The following SV2C variants were observed in gnomAD, a reference collection of about 807,000 sequenced individuals.
SV2C encodes the protein solute carrier family 22 member B3.
Under a neutral mutation model 79.7 loss-of-function variants are expected in SV2C, and 49 were observed. The observed-to-expected ratio is 0.61, with a 90% CI of 0.49 to 0.78. The LOEUF (loss-of-function observed/expected upper bound fraction) is 0.78, where lower values mean the gene tolerates loss of function less well. Among genes scored for constraint, SV2C ranks in the 30% least tolerant of loss-of-function variants. SV2C has a pLI of 0.00. For missense variants in SV2C, 833 were observed against 912.9 expected (o/e 0.91, Z 1.13); for synonymous variants, 334 against 333.2 (o/e 1.00, Z -0.03).
chr5:76,285,128 G>C (rs752240826), intron 4 of SV2C, 34 bp from the exon 5 acceptor site: 14 of 1,610,660 alleles, frequency 8.7e-6, no homozygotes, highest in Middle Eastern at 1.7e-4. Flanking sequence ...TCTGGGAGGA[G>C]CTCTCCCTCA....
chr5:75,912,291 C>T, the SV2C span, among the ~76,000 whole-genome samples: 26 of 152,028 alleles, frequency 1.7e-4, no homozygotes, highest in African/African-American at 1.2e-4. Context: ...GCCAGAAGAA[C>T]GCATTTTCAG....
intron 10 of SV2C, among the ~76,000 whole-genome samples, chr5:76,299,474 A>AAGTT (rs562585565): frequency 9.2e-4 from 140 of 152,340 alleles, no homozygotes; most frequent in African/African-American, 2.8e-3. Context: ...AGGCTTAGGA[A>AAGTT]AGTTAAGTAA....
At chr5:75,999,392 AGAGAGAGAGAGAGAGAG>A in the SV2C span, among the ~76,000 whole-genome samples, 1 of 45,494 alleles carries the variant, frequency 2.2e-5, no homozygotes, top group African/African-American at 7.0e-5. Flanking sequence ...AGAGAGAGAG[AGAGAGAGAGAGAGAGAG>A]AATGATTGTG....
chr5:76,178,800 A>C (rs188546509), intron 2 of SV2C, among the ~76,000 whole-genome samples: 2 of 152,208 alleles, frequency 1.3e-5, no homozygotes, highest in African/African-American at 2.4e-5. Context: ...TCTTCTAGAC[A>C]AAAGGTCTCA....
At chr5:76,205,535 T>C (rs1466162003) in intron 3 of SV2C, among the ~76,000 whole-genome samples, 4 of 152,200 alleles carry the variant, frequency 2.6e-5, no homozygotes, top group South Asian at 2.1e-4. Context: ...TAAGCCACTC[T>C]GATCTCATTG....
At chr5:76,009,352 A>G in the SV2C span, among the ~76,000 whole-genome samples, 3 of 152,340 alleles carry the variant, frequency 2.0e-5, no homozygotes, top group Non-Finnish European at 2.9e-5. Flanking sequence ...AGCAGTTGGG[A>G]GATTTCTCAA....
At chr5:75,905,550 T>A in the SV2C span, among the ~76,000 whole-genome samples, 1 of 152,086 alleles carries the variant, frequency 6.6e-6, no homozygotes, top group East Asian at 1.9e-4. Flanking sequence ...AGCTTTTAGA[T>A]CCCTGAGCTG....
At chr5:76,185,771 A>G (rs917605237) in intron 2 of SV2C, among the ~76,000 whole-genome samples, 9 of 152,198 alleles carry the variant, frequency 5.9e-5, no homozygotes, top group African/African-American at 2.2e-4. Flanking sequence ...GGTCTCTCAC[A>G]TGTCCTGGAG....
At chr5:76,213,652 C>T (rs1476589347) in intron 4 of SV2C, among the ~76,000 whole-genome samples, 1 of 152,150 alleles carries the variant, frequency 6.6e-6, no homozygotes, top group Non-Finnish European at 1.5e-5. Flanking sequence ...TTAATATGTA[C>T]AACTTGAAGG....
At position 76,325,666 on chromosome 5, in the gene SV2C, CACGTGCTGTG is replaced by C. The variant is rs1748973945; in HGVS notation, c.*122_*131del. On this transcript the variant is annotated 3_prime_UTR_variant, in exon 13 of 13. Transcript: ENST00000502798. Reference sequence around the variant, plus strand: ...AGGTGATCAAGTATCAGAACATAAACACGTGCTGTGACTTAAAATTTAGAAGCATATCATC... The same window carrying C: ...AGGTGATCAAGTATCAGAACATAAACACTTAAAATTTAGAAGCATATCATC... 7.2e-7 allele frequency: 1 copy of C among 1,393,808 alleles called. No individual in the cohort carries two copies. The highest frequency in any genetic ancestry group is 2.4e-5 in the East Asian group (1 of 42,418). 86.3% of individuals were successfully genotyped at this position (1,393,808 alleles called of 1,614,324 possible).
intron 3 of SV2C, among the ~76,000 whole-genome samples, chr5:76,195,329 G>A (rs1744240190): frequency 6.6e-6 from 1 of 152,156 alleles, no homozygotes; most frequent in Non-Finnish European, 1.5e-5. Context: ...ACTTCTAGAA[G>A]AAGAGTATTG....
At chr5:76,273,170 T>TATAC (rs144534109) in intron 4 of SV2C, among the ~76,000 whole-genome samples, 4,513 of 121,878 alleles carry the variant, frequency 0.037, 110 homozygotes, top group Middle Eastern at 0.096. Flanking sequence ...TATATATATA[T>TATAC]ACACACATAT....
the SV2C span, among the ~76,000 whole-genome samples, chr5:75,883,602 C>T: frequency 6.9e-6 from 1 of 145,960 alleles, no homozygotes; most frequent in Non-Finnish European, 1.5e-5. Context: ...AAACCCAACA[C>T]CGCATATTCT....
At chr5:76,228,784 T>A (rs1297294777) in intron 4 of SV2C, among the ~76,000 whole-genome samples, 1 of 142,550 alleles carries the variant, frequency 7.0e-6, no homozygotes, top group East Asian at 1.9e-4. Context: ...TTCTATGAAG[T>A]ACGCATTAAT....
chr5:75,937,750 A>G, the SV2C span, among the ~76,000 whole-genome samples: 1 of 152,082 alleles, frequency 6.6e-6, no homozygotes, highest in South Asian at 2.1e-4. Flanking sequence ...AAACTGTGCC[A>G]TTACTATTTC....
At chr5:75,852,318 A>G in the SV2C span, among the ~76,000 whole-genome samples, 1 of 152,194 alleles carries the variant, frequency 6.6e-6, no homozygotes, top group Non-Finnish European at 1.5e-5. Context: ...TATAATAATA[A>G]TTTAAAAAGT....
intron 12 of SV2C, among the ~76,000 whole-genome samples, chr5:76,318,199 C>G (rs374390333): frequency 1.8e-4 from 28 of 152,302 alleles, no homozygotes; most frequent in Admixed American, 5.2e-4. Flanking sequence ...GCGGGCAGAT[C>G]ATGAGGTCAG....
At chr5:75,887,639 T>C in the SV2C span, among the ~76,000 whole-genome samples, 1 of 152,144 alleles carries the variant, frequency 6.6e-6, no homozygotes, top group Non-Finnish European at 1.5e-5. Flanking sequence ...GTCAAATTGA[T>C]ATATCATTAA....
chr5:76,108,706 GC>G (rs1326833074), intron 1 of SV2C, among the ~76,000 whole-genome samples: 1 of 152,128 alleles, frequency 6.6e-6, no homozygotes, highest in Non-Finnish European at 1.5e-5. Context: ...TTGGTTTCAA[GC>G]TAAAGCCTTA....
Sources: allele counts gnomAD v4.1 joint callset (sites outside exome capture counted in the v4.1 genomes callset), GRCh38; gene constraint gnomAD v4.1.1; transcripts MANE v1.5; gene names NCBI Gene and HGNC (gene_info 2026-07-23, HGNC 2026-07-21).